SOX6: variants seen among roughly 807,000 people sequenced by gnomAD.
SOX6 encodes transcription factor SOX-6.
In SOX6, 11 loss-of-function variants were observed where a neutral mutation model predicts 97.8. The observed-to-expected ratio is 0.11, with a 90% confidence interval of 0.07 to 0.19. The LOEUF is 0.19. SOX6 is among the 10% of genes least tolerant of loss of function. SOX6 has a pLI of 1.00. For missense variants in SOX6, 810 were observed against 1,039.5 expected, an observed-to-expected ratio of 0.78 and a Z score of 3.04; for synonymous variants, 360 against 371.4, an observed-to-expected ratio of 0.97 and a Z score of 0.35.
chr11:16,200,934 T>C (rs539214110), intron 4 of SOX6, among the ~76,000 whole-genome samples: 52 of 151,870 alleles, frequency 3.4e-4, no homozygotes, highest in Non-Finnish European at 6.5e-4. Context: ...GTTGAAACTC[T>C]GTCTCTACTA....
upstream of SOX6, among the ~76,000 whole-genome samples, chr11:16,360,568 A>T (rs550940602): frequency 9.2e-5 from 14 of 152,280 alleles, no homozygotes; most frequent in Admixed American, 8.5e-4. Context: ...CTGCCCAAAC[A>T]TATCTTATAC....
At chr11:16,343,842 C>T in intron 1 of SOX6, among the ~76,000 whole-genome samples, 1 of 151,876 alleles carries the variant, frequency 6.6e-6, no homozygotes, top group East Asian at 1.9e-4. Context: ...TAACATCTCA[C>T]AATTTGTCTT....
chr11:16,667,906 T>C (rs1204615430), intron 3 of SOX6, among the ~76,000 whole-genome samples: 6 of 152,154 alleles, frequency 3.9e-5, no homozygotes, highest in African/African-American at 1.4e-4. Context: ...TAATAAAATA[T>C]AAATAGAAAC....
rs1187252123 is a variant in SOX6 at position 16,164,646 on chromosome 11, C to T, written c.777+19240G>A. Among the ~76,000 whole-genome samples, 3 of 151,862 alleles carry T rather than the reference C, an allele frequency of 2.0e-5. No homozygotes were observed. In the East Asian group the frequency reaches 5.8e-4, roughly 29 times the overall value. On this transcript the variant is annotated intron_variant, in intron 6 of 15. Coordinates refer to ENST00000683767, the MANE Select transcript of SOX6 (RefSeq NM_001367873.1). Reference sequence around the variant, plus strand: ...GACCAGCCTGGCCAACATAGTAAAACCCCGTCTCTACTAAACTACAAAAGA... The same window carrying T: ...GACCAGCCTGGCCAACATAGTAAAATCCCGTCTCTACTAAACTACAAAAGA...
intron 4 of SOX6, among the ~76,000 whole-genome samples, chr11:16,195,628 C>T (rs1435938129): frequency 2.6e-5 from 4 of 152,140 alleles, no homozygotes; most frequent in Admixed American, 6.5e-5. Context: ...CTGAATTACT[C>T]TAGAAATTAG....
At position 16,711,137 on chromosome 11, in the gene SOX6, G is replaced by C. The variant is rs1421884591; in HGVS notation, n.429+3693C>G. Among the ~76,000 whole-genome samples the C allele has an allele frequency of 2.0e-5, 3 of 152,248 alleles. No homozygotes were observed. The South Asian group carries it at 6.2e-4, about 32-fold the overall frequency. On this transcript the variant is annotated intron_variant and non_coding_transcript_variant, in intron 3 of 5. Coordinates refer to the SOX6 transcript ENST00000524520. ...TATTTCTCACCTGAACTATGCAACA[G>C]CTTCACTTCTACTCTTGACCTCCTC...
Position 16,341,231 on chromosome 11 carries a change from G to A in SOX6, c.18C>T (p.Ala6=). The change falls in exon 2 of 16, where the codon GCC becomes GCT. Residue 6 remains alanine (A), a synonymous_variant. Transcript: ENST00000683767. ...CAGCTGCACAGGCAAATGGAGAGGTGGCTTGCTTGGAAGACATTCTTCTGC... is the reference window on the plus strand; with the variant it reads ...CAGCTGCACAGGCAAATGGAGAGGTAGCTTGCTTGGAAGACATTCTTCTGC... MSSKQ[A]TSPFACAADG... 3 of 1,613,214 alleles carry A rather than the reference G, an allele frequency of 1.9e-6. No homozygotes were observed. The highest frequency in any genetic ancestry group is 2.5e-6 in the Non-Finnish European group (3 of 1,179,502).
At chr11:16,344,005 A>G (rs912045986) in intron 1 of SOX6, among the ~76,000 whole-genome samples, 3 of 151,974 alleles carry the variant, frequency 2.0e-5, no homozygotes, top group African/African-American at 4.8e-5. Flanking sequence ...AACGGTTAAC[A>G]ATCAAGAAAA....
At chr11:15,989,619 A>G (rs1047151279) in intron 13 of SOX6, among the ~76,000 whole-genome samples, 1 of 152,182 alleles carries the variant, frequency 6.6e-6, no homozygotes, top group South Asian at 2.1e-4. Context: ...TTTCCCAAAA[A>G]TAGAATTGTT....
At chr11:16,225,478 CAAAAAA>C (rs11307642) in intron 4 of SOX6, among the ~76,000 whole-genome samples, 3 of 128,000 alleles carry the variant, frequency 2.3e-5, no homozygotes, top group Non-Finnish European at 3.3e-5. Context: ...AATTGCTATT[CAAAAAA>C]AAAAAAAAAA....
chr11:16,433,934 C>T (rs533620835), intron 1 of SOX6, among the ~76,000 whole-genome samples: 149 of 152,130 alleles, frequency 9.8e-4, no homozygotes, highest in Admixed American at 1.8e-3. Flanking sequence ...GTAGTTCAAA[C>T]TCCTTAATAA....
intron 1 of SOX6, among the ~76,000 whole-genome samples, chr11:16,420,056 A>C (rs1258101519): frequency 1.3e-5 from 2 of 152,210 alleles, no homozygotes; most frequent in Admixed American, 6.5e-5. Context: ...TATCTTGAAT[A>C]ATGTTCAAGT....
At chr11:16,614,727 G>A (rs1238228104) in intron 3 of SOX6, among the ~76,000 whole-genome samples, 1 of 152,122 alleles carries the variant, frequency 6.6e-6, no homozygotes. Context: ...AGGCCACACC[G>A]TAGGTCCTCC....
chr11:16,399,196 C>T (rs1214793039), intron 1 of SOX6, among the ~76,000 whole-genome samples: 1 of 151,106 alleles, frequency 6.6e-6, no homozygotes, highest in Non-Finnish European at 1.5e-5. Context: ...TATAATTAAA[C>T]AGGATCATGT....
At chr11:16,313,423 T>C (rs950561996) in intron 3 of SOX6, 3 of 152,126 alleles carry the variant, frequency 2.0e-5, no homozygotes, top group Non-Finnish European at 4.4e-5. Flanking sequence ...TCATGAAATA[T>C]GGCCCTCAAA....
intron 4 of SOX6, among the ~76,000 whole-genome samples, chr11:16,515,239 T>G (rs1490631246): frequency 6.6e-6 from 1 of 151,630 alleles, no homozygotes; most frequent in African/African-American, 2.4e-5. Context: ...GATCGCCACT[T>G]TAACTGGTGT....
At chr11:16,688,566 C>A (rs1847986907) in intron 3 of SOX6, among the ~76,000 whole-genome samples, 1 of 152,132 alleles carries the variant, frequency 6.6e-6, no homozygotes, top group South Asian at 2.1e-4. Flanking sequence ...TCATTCCATC[C>A]AGTGGACTTT....
At chr11:16,301,806 T>C (rs1590106533) in intron 3 of SOX6, among the ~76,000 whole-genome samples, 1 of 152,036 alleles carries the variant, frequency 6.6e-6, no homozygotes, top group African/African-American at 2.4e-5. Flanking sequence ...ATTCAATCCA[T>C]AAAACGACAA....
At chr11:16,487,038 A>G (rs1860446997) in intron 4 of SOX6, among the ~76,000 whole-genome samples, 1 of 152,120 alleles carries the variant, frequency 6.6e-6, no homozygotes, top group Admixed American at 6.5e-5. Flanking sequence ...ACTAAAATTC[A>G]AAAACTCCCG....
Sources: gnomAD v4.1 joint callset for allele counts (sites outside exome capture counted in the v4.1 genomes callset) on GRCh38, gnomAD v4.1.1 for gene constraint, MANE v1.5 for transcripts, NCBI Gene and HGNC (gene_info 2026-07-23, HGNC 2026-07-21) for gene names.